ACSM2A: variants seen among roughly 807,000 people sequenced by gnomAD.
ACSM2A encodes acyl-coenzyme A synthetase ACSM2A, mitochondrial.
In ACSM2A, 72 loss-of-function variants were observed where a neutral mutation model predicts 76.6. The observed-to-expected ratio is 0.94, with a 90% CI of 0.78 to 1.14. The LOEUF (loss-of-function observed/expected upper bound fraction) is 1.14. Ranked by LOEUF, ACSM2A falls within the 50% of genes most tolerant of loss-of-function variation. ACSM2A has a pLI of 0.00. For synonymous variants in ACSM2A, 249 were observed against 255.9 expected, an observed-to-expected ratio of 0.97 and a Z score of 0.26; for missense variants, 684 against 708.5, an observed-to-expected ratio of 0.97 and a Z score of 0.39.
At chr16:20,477,527 T>C in intron 9 of ACSM2A, 78 bp downstream of exon 9, 5 of 1,518,004 alleles carry the variant, frequency 3.3e-6, no homozygotes, top group Non-Finnish European at 4.4e-6. Context: ...CATTGTTTAT[T>C]GAGTCAAAAA....
intron 2 of ACSM2A, among the ~76,000 whole-genome samples, chr16:20,465,163 A>G (rs1350411211): frequency 6.6e-6 from 1 of 152,200 alleles, no homozygotes; most frequent in Admixed American, 6.5e-5. Flanking sequence ...GAATAAATAG[A>G]CGCAATAAAT....
chr16:20,472,175 T>C (rs2013457008), intron 6 of ACSM2A, among the ~76,000 whole-genome samples: 1 of 152,192 alleles, frequency 6.6e-6, no homozygotes, highest in Non-Finnish European at 1.5e-5. Flanking sequence ...ATAATTTAGC[T>C]GTGTTAGATA....
intron 2 of ACSM2A, among the ~76,000 whole-genome samples, chr16:20,463,098 G>A (rs9302386): frequency 9.0e-6 from 1 of 111,574 alleles, no homozygotes; most frequent in Non-Finnish European, 1.8e-5. Context: ...GGGGGAGGGG[G>A]GAGGGATAAC....
At chr16:20,458,529 A>G (rs967437260) in intron 1 of ACSM2A, among the ~76,000 whole-genome samples, 4 of 145,364 alleles carry the variant, frequency 2.8e-5, no homozygotes. Context: ...AATGTGTTAT[A>G]TACAATATAA....
In ACSM2A at chr16:20,485,889, C is replaced by T. The variant is rs574476065; in HGVS notation, c.1630-685C>T. ...CATATCACTGGAAGCCTCAATGAGGCATCTTCACCATCCATATCTTTGGAT... is the reference window on the plus strand; with the variant it reads ...CATATCACTGGAAGCCTCAATGAGGTATCTTCACCATCCATATCTTTGGAT... On this transcript the variant is annotated intron_variant, in intron 13 of 13. Transcript: ENST00000573854. 3.9e-5 allele frequency among the ~76,000 whole-genome samples: 6 copies of T among 152,336 alleles called. No homozygotes were observed. The South Asian group carries it at 6.2e-4, about 16-fold the overall frequency.
intron 9 of ACSM2A, among the ~76,000 whole-genome samples, chr16:20,478,349 A>T (rs2013873134): frequency 6.6e-6 from 1 of 152,196 alleles, no homozygotes; most frequent in South Asian, 2.1e-4. Flanking sequence ...GCATCTCCCC[A>T]GGCTCATCTG....
Position 20,459,403 on chromosome 16 carries a change from T to A in ACSM2A, c.-8-704T>A, listed in dbSNP as rs373815468. Among the ~76,000 whole-genome samples, 153 of 152,326 alleles carry A rather than the reference T, an allele frequency of 1.0e-3. 3 individuals carry two copies. The South Asian group carries it at 0.03, about 30-fold the overall frequency. ...TCACTTTAAAGAAAAGGATGCTACT[T>A]GTATTAGTTAGCATTTGCTACAGTA... is the stretch of plus-strand genomic sequence containing the variant. On this transcript the variant is annotated intron_variant, in intron 1 of 13. Coordinates refer to ENST00000573854, the MANE Select transcript of ACSM2A (RefSeq NM_001308172.2).
Position 20,486,746 on chromosome 16 carries a change from C to G in ACSM2A, c.*68C>G. 1 of 1,566,344 alleles carries G rather than the reference C, an allele frequency of 6.4e-7. No homozygotes were observed. The highest frequency in any genetic ancestry group is 8.8e-7 in the Non-Finnish European group (1 of 1,140,386). On this transcript the variant is annotated 3_prime_UTR_variant, in exon 14 of 14. Coordinates refer to ENST00000573854, the MANE Select transcript of ACSM2A (RefSeq NM_001308172.2). ...TTTCTTTTCCCTTTGGGCCCTTGGCCTTCCTATGATTATATGAGATTCTTT... is the reference window on the plus strand; with the variant it reads ...TTTCTTTTCCCTTTGGGCCCTTGGCGTTCCTATGATTATATGAGATTCTTT...
chr16:20,477,672 G>A (rs969754821), intron 9 of ACSM2A, among the ~76,000 whole-genome samples: 22 of 152,170 alleles, frequency 1.4e-4, no homozygotes, highest in Non-Finnish European at 1.9e-4. Flanking sequence ...GACCCACTTT[G>A]AATAGCTAGC....
At position 20,482,598 on chromosome 16, in the gene ACSM2A, C is replaced by T. The variant is rs574944047; in HGVS notation, c.1510-460C>T. ...GAGCAGTGAGGCCATGGGGGATCCC[C>T]TGCTGAGAAAATCCTGTGTGCCCAG... On this transcript the variant is annotated intron_variant, in intron 12 of 13. Transcript: ENST00000573854. The T allele has an allele frequency of 1.8e-3, 289 of 162,602 alleles. 3 individuals carry two copies. The highest frequency in any genetic ancestry group is 6.7e-3 in the African/African-American group (280 of 41,738). 10.1% of individuals were successfully genotyped at this position (162,602 alleles called of 1,614,324 possible).
At chr16:20,454,631 C>T (rs1567353967) in intron 1 of ACSM2A, among the ~76,000 whole-genome samples, 1 of 151,952 alleles carries the variant, frequency 6.6e-6, no homozygotes, top group Non-Finnish European at 1.5e-5. Flanking sequence ...ATCAGGGGAA[C>T]ATCCCATGGG....
chr16:20,477,097 T>G lies in ACSM2A; in HGVS notation c.1099-272T>G, dbSNP rs1021820362. 7.2e-6 allele frequency: 3 copies of G among 415,662 alleles called. No homozygotes were observed. The East Asian group carries it at 1.5e-4, about 21-fold the overall frequency. The allele number at this position is 415,662 out of a possible 1,614,324, so 25.7% of individuals were successfully genotyped here. On this transcript the variant is annotated intron_variant, in intron 8 of 13. Transcript: ENST00000573854. ...GTATCCATAGTGTCGTATTAAAATG[T>G]GGTTCCCCCTAAAAGAGATTATAAT... is the stretch of plus-strand genomic sequence containing the variant.
intron 9 of ACSM2A, among the ~76,000 whole-genome samples, chr16:20,477,821 A>G (rs2013839886): frequency 6.6e-6 from 1 of 152,258 alleles, no homozygotes; most frequent in African/African-American, 2.4e-5. Context: ...GCCAACCTGC[A>G]GCATGATTTT....
At chr16:20,476,056 T>C (rs1367766202) in intron 8 of ACSM2A, 1 of 1,070,552 alleles carries the variant, frequency 9.3e-7, no homozygotes, top group East Asian at 4.9e-5. Context: ...ATGGAAAAAG[T>C]AAAGTAGATG....
intron 2 of ACSM2A, among the ~76,000 whole-genome samples, chr16:20,463,408 T>C (rs545305030): frequency 7.8e-4 from 118 of 151,526 alleles, no homozygotes; most frequent in African/African-American, 2.8e-3. Flanking sequence ...TAGGGCCTGG[T>C]GGAAGACATT....
At chr16:20,465,118 A>T (rs1274521579) in intron 2 of ACSM2A, among the ~76,000 whole-genome samples, 1 of 152,204 alleles carries the variant, frequency 6.6e-6, no homozygotes, top group Non-Finnish European at 1.5e-5. Context: ...GAGAGGATCC[A>T]ATGTTTTTCT....
chr16:20,487,602 C>A lies in ACSM2A; in HGVS notation c.*924C>A, dbSNP rs1221127152. ...AAGCACTGCCAAAGTTATCAGCTAC[C>A]CATATCTCATGTTTTTGATGTTATC... On this transcript the variant is annotated 3_prime_UTR_variant, in exon 14 of 14. Transcript: ENST00000573854. 6.6e-6 allele frequency: 1 copy of A among 152,164 alleles called. No homozygotes were observed. The highest frequency in any genetic ancestry group is 1.5e-5 in the Non-Finnish European group (1 of 68,038). 9.4% of individuals were successfully genotyped at this position (152,164 alleles called of 1,614,324 possible).
In ACSM2A at chr16:20,486,693, A is replaced by T. The variant is rs759339433; in HGVS notation, c.*15A>T. 6.2e-7 allele frequency: 1 copy of T among 1,613,142 alleles called. No homozygotes were observed. The highest frequency in any genetic ancestry group is 8.5e-7 in the Non-Finnish European group (1 of 1,179,122). ...GTGCGCAGTGAGACATCTAAGAGAC[A>T]TTCATTTGGATTCCCCTCTTCTTTC... On this transcript the variant is annotated 3_prime_UTR_variant, in exon 14 of 14. Coordinates refer to ENST00000573854, the MANE Select transcript of ACSM2A (RefSeq NM_001308172.2).
chr16:20,459,228 G>A (rs185543155), intron 1 of ACSM2A, among the ~76,000 whole-genome samples: 11 of 151,982 alleles, frequency 7.2e-5, no homozygotes, highest in South Asian at 2.1e-4. Context: ...TATACTCCTC[G>A]GGTGATGGGT....
Sources: allele counts gnomAD v4.1 joint callset (sites outside exome capture counted in the v4.1 genomes callset), GRCh38; gene constraint gnomAD v4.1.1; transcripts MANE v1.5; gene names NCBI Gene and HGNC (gene_info 2026-07-23, HGNC 2026-07-21).